Variants in CACNA1C observed in about 807,000 individuals in gnomAD.
CACNA1C encodes calcium voltage-gated channel subunit alpha1 C, also known as voltage-dependent L-type calcium channel subunit alpha-1C.
Under a neutral mutation model 229.0 loss-of-function variants are expected in CACNA1C, and 30 were observed. That is an observed-to-expected ratio of 0.13 (90% CI 0.10 to 0.18). The LOEUF is 0.18. CACNA1C is among the 10% of genes least tolerant of loss of function. The pLI is 1.00. For missense variants in CACNA1C, 1,658 were observed against 2,845.0 expected (o/e 0.58, Z 9.49); for synonymous variants, 1,114 against 1,132.5 (o/e 0.98, Z 0.33).
chr12:2,238,826 G>A (rs1398657863), intron 3 of CACNA1C, among the ~76,000 whole-genome samples: 1 of 152,138 alleles, frequency 6.6e-6, no homozygotes, highest in Non-Finnish European at 1.5e-5. Flanking sequence ...TGAAATTTGG[G>A]GACTCATGAT....
chr12:2,373,891 T>C (rs1341338202), intron 3 of CACNA1C, among the ~76,000 whole-genome samples: 3 of 152,218 alleles, frequency 2.0e-5, no homozygotes, highest in Non-Finnish European at 4.4e-5. Flanking sequence ...CTCTTGTGCA[T>C]GACGAACTTT....
intron 3 of CACNA1C, among the ~76,000 whole-genome samples, chr12:2,182,663 C>T (rs1465424879): frequency 6.6e-6 from 1 of 152,160 alleles, no homozygotes; most frequent in Non-Finnish European, 1.5e-5. Context: ...GTCCGGTGCT[C>T]ACTGTGGACT....
intron 13 of CACNA1C, among the ~76,000 whole-genome samples, chr12:2,577,930 G>A (rs1054412829): frequency 6.7e-5 from 10 of 150,150 alleles, no homozygotes; most frequent in African/African-American, 9.8e-5. Flanking sequence ...GTGCAGTGGC[G>A]CGATCTCGGC....
chr12:2,437,836 AATG>A (rs1234596789), intron 3 of CACNA1C, among the ~76,000 whole-genome samples: 2 of 124,764 alleles, frequency 1.6e-5, no homozygotes, highest in East Asian at 2.2e-4. Flanking sequence ...TGGTGGTGGT[AATG>A]ATGGTGGTGA....
intron 3 of CACNA1C, among the ~76,000 whole-genome samples, chr12:2,325,904 C>T (rs1370924448): frequency 6.6e-6 from 1 of 152,230 alleles, no homozygotes; most frequent in Non-Finnish European, 1.5e-5. Flanking sequence ...GACATCGCCA[C>T]CAGCCGCTAC....
chr12:2,304,572 A>G (rs1324949089), intron 3 of CACNA1C, among the ~76,000 whole-genome samples: 1 of 152,146 alleles, frequency 6.6e-6, no homozygotes, highest in Non-Finnish European at 1.5e-5. Flanking sequence ...AGTAAGTGCC[A>G]GCTCCATGAC....
rs2062148066 is a variant in CACNA1C, at chr12:2,585,691, T to A, written c.2461-144T>A. 4.6e-6 allele frequency: 4 copies of A among 868,032 alleles called. No homozygotes were observed. The highest frequency in any genetic ancestry group is 2.1e-5 in the Admixed American group (1 of 47,366). 53.8% of individuals were successfully genotyped at this position (868,032 alleles called of 1,614,324 possible). On this transcript the variant is annotated intron_variant, in intron 17 of 46. Coordinates refer to ENST00000399655, the MANE Select transcript of CACNA1C (RefSeq NM_000719.7). The surrounding 1 kb of genome is among the most constrained non-coding windows in gnomAD (Gnocchi z 4.1). ...TGGCTGGATCCCAGCCATCTGCTGATGTCTTGAAGGAGATATGCAAAGTGA... is the reference window on the plus strand; with the variant it reads ...TGGCTGGATCCCAGCCATCTGCTGAAGTCTTGAAGGAGATATGCAAAGTGA...
intron 9 of CACNA1C, among the ~76,000 whole-genome samples, chr12:2,535,079 C>G (rs1244511576): frequency 6.6e-6 from 1 of 152,204 alleles, no homozygotes; most frequent in African/African-American, 2.4e-5. Flanking sequence ...GGACCTCTCA[C>G]AAAAGATGTG....
chr12:2,379,729 T>C (rs1320942256), intron 3 of CACNA1C, among the ~76,000 whole-genome samples: 3 of 152,060 alleles, frequency 2.0e-5, no homozygotes, highest in African/African-American at 7.2e-5. Flanking sequence ...ATGCGGGACA[T>C]AATAATATAA....
intron 3 of CACNA1C, among the ~76,000 whole-genome samples, chr12:2,146,346 T>G (rs1463952293): frequency 6.6e-6 from 1 of 151,344 alleles, no homozygotes; most frequent in African/African-American, 2.4e-5. Flanking sequence ...GAAGTGGCAC[T>G]TGAGTGAGGC....
intron 3 of CACNA1C, among the ~76,000 whole-genome samples, chr12:2,376,982 GC>G (rs1436873252): frequency 6.6e-6 from 1 of 152,160 alleles, no homozygotes; most frequent in Non-Finnish European, 1.5e-5. Context: ...GCCACCTGCT[GC>G]TGCTGTTGTC....
intron 3 of CACNA1C, among the ~76,000 whole-genome samples, chr12:2,344,801 C>A (rs541992902): frequency 6.6e-6 from 1 of 152,110 alleles, no homozygotes; most frequent in Admixed American, 6.5e-5. Context: ...GTCATACTTT[C>A]TACTTGCCAG....
intron 3 of CACNA1C, among the ~76,000 whole-genome samples, chr12:2,369,678 A>G (rs1009148033): frequency 2.6e-5 from 4 of 152,210 alleles, no homozygotes; most frequent in African/African-American, 4.8e-5. Context: ...TGCTGGGATT[A>G]CAGGTGTGAG....
At position 2,067,449 on chromosome 12, in the gene CACNA1C, C is replaced by CGTGTGTGTGTGTGTGTGT. The variant is rs1555107490; in HGVS notation, c.49+13854_49+13871dup. Among the ~76,000 whole-genome samples the CGTGTGTGTGTGTGTGTGT allele has an allele frequency of 8.5e-5, 12 of 141,376 alleles. No individual in the cohort carries two copies. Among genetic ancestry groups the CGTGTGTGTGTGTGTGTGT allele is most frequent in the African/African-American group, 2.7e-4 (10 of 37,658 alleles). 92.7% of individuals were successfully genotyped at this position (141,376 alleles called of 152,430 possible). ...GCTTAGGACTGTGGACTAGGATGCA[C>CGTGTGTGTGTGTGTGTGT]GTGTGTGTGTGTGTGTGTGTGTGTG... On this transcript the variant is annotated intron_variant, in intron 1 of 46. Coordinates refer to ENST00000399655, the MANE Select transcript of CACNA1C (RefSeq NM_000719.7). The surrounding 1 kb of genome is among the most constrained non-coding windows in gnomAD (Gnocchi z 5.3).
rs2073280290 is a variant in CACNA1C, at chr12:2,602,663, TGTG to T, written c.2960+704_2960+706del. Among the ~76,000 whole-genome samples, 1 of 149,456 alleles carries T rather than the reference TGTG, an allele frequency of 6.7e-6. No individual in the cohort carries two copies. Among genetic ancestry groups the T allele is most frequent in the African/African-American group, 2.5e-5 (1 of 40,360 alleles). ...GTGTGTGTGTGTGTGTGTGTGTGTG[TGTG>T]TGTGAGTTTTTCATTTCACTGGTCT... On this transcript the variant is annotated intron_variant, in intron 22 of 46. Coordinates refer to ENST00000399655, the MANE Select transcript of CACNA1C (RefSeq NM_000719.7). The surrounding 1 kb of genome is among the most constrained non-coding windows in gnomAD (Gnocchi z 4.4).
At chr12:2,424,912 C>T (rs1360045673) in intron 3 of CACNA1C, among the ~76,000 whole-genome samples, 3 of 152,206 alleles carry the variant, frequency 2.0e-5, no homozygotes, top group African/African-American at 7.2e-5. Context: ...GGCTGTGGTC[C>T]TCTATTGGCC....
intron 3 of CACNA1C, among the ~76,000 whole-genome samples, chr12:2,168,061 T>G (rs1191413222): frequency 2.6e-5 from 4 of 152,150 alleles, no homozygotes; most frequent in Admixed American, 6.5e-5. Context: ...AGTTTGTGTG[T>G]GGGGGGGAGT....
chr12:2,070,254 T>A (rs141649671), intron 1 of CACNA1C, among the ~76,000 whole-genome samples: 1,731 of 152,374 alleles, frequency 0.011, 17 homozygotes, highest in Middle Eastern at 0.041. Flanking sequence ...ATGTCCCATG[T>A]TTGCCTGGCC....
rs559023739 is a variant in CACNA1C at position 2,646,825 on chromosome 12, T to A, written c.3913-1650T>A. On this transcript the variant is annotated intron_variant, in intron 30 of 46. Transcript: ENST00000399655. The surrounding 1 kb of genome is among the most constrained non-coding windows in gnomAD (Gnocchi z 4.6). ...GCGCGTGTGTGTGTCTGCCTATGTT[T>A]GTCTCTGTGTTCAATCTCAGTCTGC... 6.6e-6 allele frequency among the ~76,000 whole-genome samples: 1 copy of A among 152,272 alleles called. No individual in the cohort carries two copies. The highest frequency in any genetic ancestry group is 2.4e-5 in the African/African-American group (1 of 41,546).
Sources: allele counts gnomAD v4.1 joint callset (sites outside exome capture counted in the v4.1 genomes callset), GRCh38; gene constraint gnomAD v4.1.1; non-coding constraint Gnocchi (gnomAD v3.1); transcripts MANE v1.5; gene names NCBI Gene and HGNC (gene_info 2026-07-23, HGNC 2026-07-21).